The following DONSON variants were observed in gnomAD, a reference collection of about 807,000 sequenced individuals.
DONSON encodes protein downstream neighbor of Son.
In DONSON, 43 loss-of-function variants were observed where a neutral mutation model predicts 62.1. The ratio of observed to expected loss-of-function variants is 0.69; its 90% CI spans 0.54 to 0.89. DONSON has a LOEUF of 0.89. Ranked by LOEUF, DONSON falls within the 40% of genes least tolerant of loss-of-function variation. The pLI is 0.00. For synonymous variants in DONSON, 266 were observed against 264.6 expected, an observed-to-expected ratio of 1.01 and a Z score of -0.05; for missense variants, 696 against 697.5, an observed-to-expected ratio of 1.00 and a Z score of 0.03.
At position 33,577,678 on chromosome 21, in the gene DONSON, CACACACACACACACACACACA is replaced by C. The variant is rs1569073155; in HGVS notation, c.*608_*628del. ...ACACACACACACACACACACACACA[CACACACACACACACACACACA>C]CACCCCTATAAGCACATTAAATACT... On this transcript the variant is annotated 3_prime_UTR_variant, in exon 10 of 10. Coordinates refer to ENST00000303071, the MANE Select transcript of DONSON (RefSeq NM_017613.4). The C allele has an allele frequency of 1.4e-4, 15 of 103,576 alleles. No homozygotes were observed. Among genetic ancestry groups the C allele is most frequent in the African/African-American group, 5.4e-4 (12 of 22,296 alleles). 6.4% of individuals were successfully genotyped at this position (103,576 alleles called of 1,614,324 possible).
intron 3 of DONSON, 87 bp downstream of exon 3, chr21:33,585,891 G>A (rs985183664): frequency 5.1e-5 from 65 of 1,273,584 alleles, no homozygotes; most frequent in Non-Finnish European, 7.1e-5. Flanking sequence ...AAAACTTAAT[G>A]GAAGGCAGCA....
At position 33,577,664 on chromosome 21, in the gene DONSON, CACACACACACACACACACACA is replaced by C. The variant is rs2086442511; in HGVS notation, c.*622_*642del. The stretch of plus-strand genomic sequence containing the variant: ...ACACACACACACACACACACACACA[CACACACACACACACACACACA>C]CACACACACACACACACCCCTATAA... On this transcript the variant is annotated 3_prime_UTR_variant, in exon 10 of 10. Transcript: ENST00000303071. 15 of 111,978 alleles carry C rather than the reference CACACACACACACACACACACA, an allele frequency of 1.3e-4. No individual in the cohort carries two copies. Among genetic ancestry groups the C allele is most frequent in the African/African-American group, 5.3e-4 (13 of 24,590 alleles). 6.9% of individuals were successfully genotyped at this position (111,978 alleles called of 1,614,324 possible). A position where few individuals can be genotyped will look rare whatever the true frequency, so the allele number is the denominator to read the frequency against.
Position 33,583,662 on chromosome 21 carries a change from C to T in DONSON, c.790G>A (p.Val264Met), listed in dbSNP as rs200709205. ...LQHVLMSDWS[V>M]SFTSLYNLLK... ...AAATTATATAGAGAAGTAAAGCTCA[C>T]AGACCTATGAAGTAAAAAAATTTTC... is the stretch of plus-strand genomic sequence containing the variant. The change falls in exon 5 of 10, where the codon GTG (valine) becomes ATG (methionine). Residue 264 changes from valine (V) to methionine (M), a missense_variant. Physicochemically the swap from Val to Met is conservative, Grantham distance 21. Transcript: ENST00000303071. 79 of 1,601,768 alleles carry T rather than the reference C, an allele frequency of 4.9e-5. No individual in the cohort carries two copies. The South Asian group carries it at 7.0e-4, about 14-fold the overall frequency.
At chr21:33,583,003 C>T (rs1416318381) in intron 5 of DONSON, among the ~76,000 whole-genome samples, 4 of 151,816 alleles carry the variant, frequency 2.6e-5, no homozygotes, top group East Asian at 1.9e-4. Flanking sequence ...AGATCGAGAT[C>T]GTCCTGGCTA....
chr21:33,588,550 G>C lies in DONSON; in HGVS notation c.92C>G (p.Ala31Gly). The C allele has an allele frequency of 8.0e-7, 1 of 1,248,410 alleles. No individual in the cohort carries two copies. Among genetic ancestry groups the C allele is most frequent in the Non-Finnish European group, 1.0e-6 (1 of 996,896 alleles). 77.3% of individuals were successfully genotyped at this position (1,248,410 alleles called of 1,614,324 possible). The change falls in exon 1 of 10, where the codon GCT becomes GGT. Residue 31 changes from alanine to glycine, a missense_variant. Transcript: ENST00000303071. ...CAGCTCACGGGGCGGGGAGGCGGCA[G>C]CTCCACGGCTCCGGGCCCTTTTCCG... ...LRRKRARSRG[A>G]AASPPRELTE...
At chr21:33,582,471 A>G (rs1349965720) in intron 5 of DONSON, among the ~76,000 whole-genome samples, 2 of 152,174 alleles carry the variant, frequency 1.3e-5, no homozygotes, top group African/African-American at 4.8e-5. Flanking sequence ...TTCATAAATC[A>G]TATTGTATTC....
At chr21:33,580,917 C>A (rs1050313383) in intron 8 of DONSON, among the ~76,000 whole-genome samples, 6 of 149,608 alleles carry the variant, frequency 4.0e-5, no homozygotes, top group East Asian at 1.9e-4. Flanking sequence ...AAAAAAAAAA[C>A]AAAAAAAATA....
In DONSON at chr21:33,580,917, C is replaced by CA. The variant is rs1298017570; in HGVS notation, c.1350+384dup. Among the ~76,000 whole-genome samples, 45 of 149,724 alleles carry CA rather than the reference C, an allele frequency of 3.0e-4. No homozygotes were observed. In the East Asian group the frequency reaches 8.4e-3, roughly 28 times the overall value. On this transcript the variant is annotated intron_variant, in intron 8 of 9. Coordinates refer to ENST00000303071, the MANE Select transcript of DONSON (RefSeq NM_017613.4). ...CAAAAACAAACAAGAAAAAAAAAAA[C>CA]AAAAAAAATAGCTAGGCTTGGTGGT...
At chr21:33,578,935 A>G (rs62227709) in intron 9 of DONSON, among the ~76,000 whole-genome samples, 1 of 152,138 alleles carries the variant, frequency 6.6e-6, no homozygotes, top group Admixed American at 6.5e-5. Context: ...TCAGGAGTTC[A>G]AGACCAGCCT....
Position 33,588,665 on chromosome 21 carries a change from C to T in DONSON, c.-24G>A. 1.6e-6 allele frequency: 2 copies of T among 1,229,470 alleles called. No homozygotes were observed. Among genetic ancestry groups the T allele is most frequent in the Non-Finnish European group, 2.0e-6 (2 of 985,506 alleles). 76.2% of individuals were successfully genotyped at this position (1,229,470 alleles called of 1,614,324 possible). ...ATGACGCGCGGCGGCTGAGGGTAGC[C>T]GGCCGCCCTACAGAGACTTCCCGCG... On this transcript the variant is annotated 5_prime_UTR_variant, in exon 1 of 10. Transcript: ENST00000303071.
At chr21:33,584,044 ATACT>A (rs1363020551) in intron 4 of DONSON, among the ~76,000 whole-genome samples, 29 of 101,354 alleles carry the variant, frequency 2.9e-4, no homozygotes, top group African/African-American at 1.1e-3. Flanking sequence ...ATATATATAT[ATACT>A]TTTTTTTTTT....
intron 2 of DONSON, among the ~76,000 whole-genome samples, chr21:33,586,757 C>T (rs1305664660): frequency 6.6e-6 from 1 of 152,130 alleles, no homozygotes; most frequent in Admixed American, 6.5e-5. Context: ...GCCTCGTCCT[C>T]CCGAGTACCT....
rs1465981629 is a variant in DONSON at position 33,577,686 on chromosome 21, CA to C, written c.*620del. On this transcript the variant is annotated 3_prime_UTR_variant, in exon 10 of 10. Coordinates refer to ENST00000303071, the MANE Select transcript of DONSON (RefSeq NM_017613.4). ...ACACACACACACACACACACACACA[CA>C]CACACACACACACACCCCTATAAGC... 39 of 112,356 alleles carry C rather than the reference CA, an allele frequency of 3.5e-4. No individual in the cohort carries two copies. The highest frequency in any genetic ancestry group is 3.8e-4 in the Non-Finnish European group (22 of 57,216). The allele number at this position is 112,356 out of a possible 1,614,324, so 7.0% of individuals were successfully genotyped here.
intron 2 of DONSON, 62 bp from the exon 3 acceptor site, chr21:33,586,243 A>AT: frequency 5.9e-6 from 8 of 1,345,474 alleles, no homozygotes; most frequent in Non-Finnish European, 8.4e-6. Context: ...CAACCTAAAG[A>AT]TTTTATCAGC....
chr21:33,584,068 G>C (rs1228019620), intron 4 of DONSON, among the ~76,000 whole-genome samples: 1 of 133,818 alleles, frequency 7.5e-6, no homozygotes, highest in Non-Finnish European at 1.6e-5. Context: ...TTTTTGAGAC[G>C]GAGTTTCGCT....
At chr21:33,584,023 T>C (rs2086548315) in intron 4 of DONSON, among the ~76,000 whole-genome samples, 1 of 141,048 alleles carries the variant, frequency 7.1e-6, no homozygotes, top group African/African-American at 2.6e-5. Context: ...TTTATATATA[T>C]ATATATATAT....
intron 2 of DONSON, 38 bp from the exon 3 acceptor site, chr21:33,586,219 C>T (rs908520235): frequency 2.6e-6 from 4 of 1,564,458 alleles, no homozygotes; most frequent in African/African-American, 1.4e-5. Context: ...AGTCGAGTAT[C>T]AAGAAAAAAC....
Position 33,586,127 on chromosome 21 carries a change from A to G in DONSON, c.457T>C (p.Leu153=). 1 of 1,614,102 alleles carries G rather than the reference A, an allele frequency of 6.2e-7. No individual in the cohort carries two copies. ...GTTTTAATACTCCAGTCCACAGGTA[A>G]CTCAGTACTTTTTGAGGACGGAATA... The part of the protein sequence containing the change: ...PDIPSSKSTE[L]PVDWSIKTRL... The change falls in exon 3 of 10, where the codon TTA becomes CTA. Residue 153 remains leucine, a synonymous_variant. Coordinates refer to ENST00000303071, the MANE Select transcript of DONSON (RefSeq NM_017613.4).
At chr21:33,579,644 C>T (rs1244362970) in intron 8 of DONSON, 82 bp from the exon 9 acceptor site, 4 of 1,127,860 alleles carry the variant, frequency 3.5e-6, no homozygotes, top group Non-Finnish European at 3.8e-6. Context: ...AATATATTTC[C>T]ATTTGGGGTT....
Sources: gnomAD v4.1 joint callset for allele counts (sites outside exome capture counted in the v4.1 genomes callset) on GRCh38, gnomAD v4.1.1 for gene constraint, MANE v1.5 for transcripts, NCBI Gene and HGNC (gene_info 2026-07-23, HGNC 2026-07-21) for gene names.